The following CASP2 variants were observed in gnomAD, a reference collection of about 807,000 sequenced individuals.
CASP2 encodes caspase-2.
Under a neutral mutation model 54.4 loss-of-function variants are expected in CASP2, and 38 were observed. The observed-to-expected ratio is 0.70, with a 90% confidence interval of 0.54 to 0.92. The LOEUF (loss-of-function observed/expected upper bound fraction) is 0.92, where lower values mean the gene tolerates loss of function less well. Among genes scored for constraint, CASP2 ranks in the 40% least tolerant of loss-of-function variants. CASP2 has a pLI of 0.00. For synonymous variants in CASP2, 215 were observed against 216.3 expected, an observed-to-expected ratio of 0.99 and a Z score of 0.05; for missense variants, 512 against 579.6, an observed-to-expected ratio of 0.88 and a Z score of 1.20.
intron 9 of CASP2, 127 bp from the exon 10 acceptor site, chr7:143,304,547 C>T: frequency 2.6e-6 from 2 of 781,612 alleles, no homozygotes; most frequent in East Asian, 2.4e-5. Flanking sequence ...GAGTACCCTC[C>T]TAGACTTAGA....
Position 143,306,884 on chromosome 7 carries a change from T to A in CASP2, c.*1813T>A, listed in dbSNP as rs1306377609. ...TACCCCTCATTTAAAATGTAAACTC[T>A]TCACCTTGGTTTATGAGAACTGGTT... On this transcript the variant is annotated 3_prime_UTR_variant, in exon 11 of 11. Transcript: ENST00000310447. The A allele has an allele frequency of 6.6e-6, 1 of 152,250 alleles. No individual in the cohort carries two copies. Among genetic ancestry groups the A allele is most frequent in the Non-Finnish European group, 1.5e-5 (1 of 68,066 alleles). The allele number at this position is 152,250 out of a possible 1,614,324, so 9.4% of individuals were successfully genotyped here. A position where few individuals can be genotyped will look rare whatever the true frequency, so the allele number is the denominator to read the frequency against.
At chr7:143,302,873 T>C (rs1299651108) in intron 8 of CASP2, 1 of 152,226 alleles carries the variant, frequency 6.6e-6, no homozygotes, top group Admixed American at 6.5e-5. Context: ...GCTCAGGGTA[T>C]GTTGAGAAAT....
At chr7:143,295,833 C>T (rs1029061568) in intron 6 of CASP2, among the ~76,000 whole-genome samples, 3 of 152,210 alleles carry the variant, frequency 2.0e-5, no homozygotes, top group African/African-American at 4.8e-5. Context: ...TCCACCCTTG[C>T]TTCAAAGCCA....
intron 8 of CASP2, chr7:143,300,609 G>C: frequency 7.2e-7 from 1 of 1,379,712 alleles, no homozygotes; most frequent in Non-Finnish European, 9.5e-7. Context: ...TAACTCTGGT[G>C]CCCTTTTTTT....
rs1361448442 is a variant in CASP2 at position 143,293,027 on chromosome 7, TAAAA to T, written c.475+330_475+333del. ...CTCAGTCTCAAAAAATAAAATAAAA[TAAAA>T]TAAAAAGGAGGGGGGTGTCCCAGAT... On this transcript the variant is annotated intron_variant, in intron 4 of 10. Transcript: ENST00000310447. 5.0e-6 allele frequency: 3 copies of T among 594,410 alleles called. No homozygotes were observed. The African/African-American group carries it at 5.6e-5, about 11-fold the overall frequency. 36.8% of individuals were successfully genotyped at this position (594,410 alleles called of 1,614,324 possible). A position where few individuals can be genotyped will look rare whatever the true frequency, so the allele number is the denominator to read the frequency against.
At chr7:143,296,211 C>T (rs1801743429) in intron 6 of CASP2, among the ~76,000 whole-genome samples, 1 of 152,112 alleles carries the variant, frequency 6.6e-6, no homozygotes, top group Admixed American at 6.5e-5. Flanking sequence ...TTATGGTAAG[C>T]CTGATGCATA....
chr7:143,296,031 T>A (rs1801736169), intron 6 of CASP2, among the ~76,000 whole-genome samples: 1 of 152,172 alleles, frequency 6.6e-6, no homozygotes, highest in Admixed American at 6.5e-5. Flanking sequence ...TTACTAGAAA[T>A]CTATTATGTC....
At chr7:143,297,163 C>G (rs1801780988) in intron 6 of CASP2, among the ~76,000 whole-genome samples, 1 of 152,096 alleles carries the variant, frequency 6.6e-6, no homozygotes, top group Admixed American at 6.6e-5. Context: ...TTCACATGTC[C>G]CCCAACCCCT....
In CASP2 at chr7:143,300,312, C is replaced by A; in HGVS notation, c.967+18C>A. The A allele has an allele frequency of 6.2e-7, 1 of 1,612,744 alleles. No homozygotes were observed. Among genetic ancestry groups the A allele is most frequent in the East Asian group, 2.2e-5 (1 of 44,880 alleles). On this transcript the variant is annotated intron_variant, in intron 8 of 10. Transcript: ENST00000310447. ...CCGTGGAGGTGAGTGCCCTAGCAGA[C>A]CAGCACCTGGGTGGTGGCTCCTGGG...
In CASP2 at chr7:143,305,588, C is replaced by A; in HGVS notation, c.*517C>A. 1 of 266,626 alleles carries A rather than the reference C, an allele frequency of 3.8e-6. No individual in the cohort carries two copies. Among genetic ancestry groups the A allele is most frequent in the Non-Finnish European group, 7.4e-6 (1 of 135,710 alleles). 16.5% of individuals were successfully genotyped at this position (266,626 alleles called of 1,614,324 possible). A position where few individuals can be genotyped will look rare whatever the true frequency, so the allele number is the denominator to read the frequency against. On this transcript the variant is annotated 3_prime_UTR_variant, in exon 11 of 11. Transcript: ENST00000310447. Reference sequence around the variant, plus strand: ...TTTGGCTCTGAAGAAGCAAACATGACTAGAGACGCACCTTGCTGCAGTGTC... The same window carrying A: ...TTTGGCTCTGAAGAAGCAAACATGAATAGAGACGCACCTTGCTGCAGTGTC...
At position 143,307,225 on chromosome 7, in the gene CASP2, TGAG is replaced by T. The variant is rs1208595746; in HGVS notation, c.*2156_*2158del. On this transcript the variant is annotated 3_prime_UTR_variant, in exon 11 of 11. Coordinates refer to ENST00000310447, the MANE Select transcript of CASP2 (RefSeq NM_032982.4). ...TCTGTCTCCCCTACCAGGCTGTAAA[TGAG>T]GGCAGAAACCTTGTTTGTTTTATTC... is the stretch of plus-strand genomic sequence containing the variant. 1.3e-5 allele frequency: 2 copies of T among 152,238 alleles called. No homozygotes were observed. The highest frequency in any genetic ancestry group is 4.8e-5 in the African/African-American group (2 of 41,464). The allele number at this position is 152,238 out of a possible 1,614,324, so 9.4% of individuals were successfully genotyped here.
intron 2 of CASP2, among the ~76,000 whole-genome samples, 167 bp downstream of exon 2, chr7:143,291,857 C>T (rs541893178): frequency 1.4e-5 from 2 of 140,864 alleles, no homozygotes; most frequent in East Asian, 4.1e-4. Flanking sequence ...TGGCTCACTG[C>T]AGCCTCTGCC....
chr7:143,300,870 G>A, intron 8 of CASP2: 1 of 1,122,722 alleles, frequency 8.9e-7, no homozygotes, highest in Non-Finnish European at 1.1e-6. Flanking sequence ...CTCTCATGCA[G>A]TCTGTTTTAC....
At position 143,304,705 on chromosome 7, in the gene CASP2, T is replaced by C. The variant is rs749397239; in HGVS notation, c.1149T>C (p.Gly383=). The change falls in exon 10 of 11, where the codon GGT becomes GGC. Residue 383 remains glycine, a synonymous_variant. Transcript: ENST00000310447. ...GTAAMRNTKR[G]SWYIEALAQV... ...CCGCCATGCGGAACACCAAACGAGG[T>C]TCCTGGTACATCGAGGCTCTTGCTC... 8 of 1,613,950 alleles carry C rather than the reference T, an allele frequency of 5.0e-6. No individual in the cohort carries two copies. The Admixed American group carries it at 5.0e-5, about 10-fold the overall frequency.
intron 6 of CASP2, among the ~76,000 whole-genome samples, chr7:143,296,885 C>G (rs1376605489): frequency 6.6e-6 from 1 of 152,126 alleles, no homozygotes; most frequent in Non-Finnish European, 1.5e-5. Flanking sequence ...TCTCACTGCC[C>G]AGATGTTTTC....
intron 7 of CASP2, 54 bp from the exon 8 acceptor site, chr7:143,300,150 T>C: frequency 1.2e-6 from 2 of 1,612,088 alleles, no homozygotes; most frequent in Non-Finnish European, 8.5e-7. Flanking sequence ...GTGTAGGACT[T>C]AGGAGGCCCC....
At position 143,305,419 on chromosome 7, in the gene CASP2, A is replaced by T. The variant is rs1343370395; in HGVS notation, c.*348A>T. Reference sequence around the variant, plus strand: ...TTGTGTTCAGTTCCAGCTTTTGTAGATGGCACTTTAGTGATTGCTTTTATT... The same window carrying T: ...TTGTGTTCAGTTCCAGCTTTTGTAGTTGGCACTTTAGTGATTGCTTTTATT... On this transcript the variant is annotated 3_prime_UTR_variant, in exon 11 of 11. Coordinates refer to ENST00000310447, the MANE Select transcript of CASP2 (RefSeq NM_032982.4). 5.1e-6 allele frequency: 2 copies of T among 389,866 alleles called. No individual in the cohort carries two copies. Among genetic ancestry groups the T allele is most frequent in the African/African-American group, 4.1e-5 (2 of 48,628 alleles). 24.2% of individuals were successfully genotyped at this position (389,866 alleles called of 1,614,324 possible). A position where few individuals can be genotyped will look rare whatever the true frequency, so the allele number is the denominator to read the frequency against.
Position 143,299,957 on chromosome 7 carries a change from T to TA in CASP2, c.783dup (p.Pro262ThrfsTer40). On this transcript the variant is annotated frameshift_variant, in exon 7 of 11. Transcript: ENST00000310447. LOFTEE classifies it high-confidence loss of function. ...GAGAAACTGCAGAATTTTGCACAGTTACCTGCACACCGAGTCACGGACTCC... is the reference window on the plus strand; with the variant it reads ...GAGAAACTGCAGAATTTTGCACAGTTAACCTGCACACCGAGTCACGGACTCC... 1 of 1,614,182 alleles carries TA rather than the reference T, an allele frequency of 6.2e-7. No individual in the cohort carries two copies. Among genetic ancestry groups the TA allele is most frequent in the Non-Finnish European group, 8.5e-7 (1 of 1,180,020 alleles).
At chr7:143,297,544 T>A (rs1326901347) in intron 6 of CASP2, among the ~76,000 whole-genome samples, 1 of 152,196 alleles carries the variant, frequency 6.6e-6, no homozygotes, top group Admixed American at 6.5e-5. Flanking sequence ...CCTCCCAGGT[T>A]CAAGCAATTC....
Sources: allele counts gnomAD v4.1 joint callset (sites outside exome capture counted in the v4.1 genomes callset), GRCh38; gene constraint gnomAD v4.1.1; transcripts MANE v1.5; gene names NCBI Gene and HGNC (gene_info 2026-07-23, HGNC 2026-07-21).